Variants in TMEM232 observed in about 807,000 individuals in gnomAD.
The protein encoded by TMEM232 is transmembrane protein 232.
In TMEM232, 80 loss-of-function variants were observed where a neutral mutation model predicts 78.8. The ratio of observed to expected loss-of-function variants is 1.01; its 90% CI spans 0.85 to 1.22. TMEM232 has a LOEUF of 1.22. Ranked by LOEUF, TMEM232 falls within the 50% of genes most tolerant of loss-of-function variation. The pLI is 0.00. For synonymous variants in TMEM232, 297 were observed against 254.3 expected, an observed-to-expected ratio of 1.17 and a Z score of -1.60; for missense variants, 881 against 742.2, an observed-to-expected ratio of 1.19 and a Z score of -2.17.
At chr5:110,672,597 A>C (rs1791505164) in intron 1 of TMEM232, among the ~76,000 whole-genome samples, 1 of 152,202 alleles carries the variant, frequency 6.6e-6, no homozygotes, top group African/African-American at 2.4e-5. Flanking sequence ...GCCTCCATAA[A>C]TATTTAGCAT....
At chr5:110,688,502 C>G (rs1793703636) in intron 1 of TMEM232, among the ~76,000 whole-genome samples, 1 of 152,114 alleles carries the variant, frequency 6.6e-6, no homozygotes, top group African/African-American at 2.4e-5. Context: ...GTGACAGCAC[C>G]TCAAAAGAAA....
At chr5:110,480,078 T>C (rs981038503) in intron 12 of TMEM232, among the ~76,000 whole-genome samples, 1 of 151,850 alleles carries the variant, frequency 6.6e-6, no homozygotes, top group Non-Finnish European at 1.5e-5. Context: ...TATTTCTGCA[T>C]CCTTCTTTTA....
chr5:110,587,935 T>C (rs543736626), intron 10 of TMEM232, among the ~76,000 whole-genome samples: 1 of 151,758 alleles, frequency 6.6e-6, no homozygotes, highest in African/African-American at 2.4e-5. Context: ...GTCTCAATTC[T>C]ATTGCTAACA....
At chr5:110,448,387 C>T (rs923720526) in intron 12 of TMEM232, among the ~76,000 whole-genome samples, 1 of 151,982 alleles carries the variant, frequency 6.6e-6, no homozygotes, top group Non-Finnish European at 1.5e-5. Context: ...GGCAGAAAGC[C>T]ATTAGACCTT....
upstream of TMEM232, among the ~76,000 whole-genome samples, chr5:110,731,453 C>A (rs961344249): frequency 6.6e-6 from 1 of 152,228 alleles, no homozygotes; most frequent in East Asian, 1.9e-4. Flanking sequence ...GAGGGCCCCA[C>A]CCCTGCAGCA....
rs1177740214 is a variant in TMEM232 at position 110,605,202 on chromosome 5, TA to T, written c.1182del (p.Asn394LysfsTer13). Reference protein sequence around the residue: ...GFCHCKSSQKNILYLDKSVPP... With the variant: ...GFCHCKSSQKXILYLDKSVPP... Reference sequence around the variant, plus strand: ...GGTACTGATTTGTCCAAGTATAAAATATTTTTTTGTGAACTTTTACAGTGAC... The same window carrying T: ...GGTACTGATTTGTCCAAGTATAAAATTTTTTTTGTGAACTTTTACAGTGAC... On this transcript the variant is annotated frameshift_variant, in exon 10 of 14. Transcript: ENST00000455884. LOFTEE classifies it high-confidence loss of function. The T allele has an allele frequency of 1.9e-6, 3 of 1,551,108 alleles. No homozygotes were observed. The highest frequency in any genetic ancestry group is 2.4e-5 in the South Asian group (2 of 84,058).
chr5:110,625,288 A>C lies in TMEM232; in HGVS notation c.747T>G (p.Tyr249Ter). The change falls in exon 7 of 14, where the codon TAT becomes TAG. Residue 249 changes from tyrosine (Y) to a stop codon, truncating the protein, a stop_gained. Coordinates refer to ENST00000455884, the MANE Select transcript of TMEM232 (RefSeq NM_001039763.4). LOFTEE classifies it high-confidence loss of function. Reference protein sequence around the residue: ...IFRPVEDKKRYENTDSDMGGY... With the variant: ...IFRPVEDKKR ...TCACCATATCAGAATCTGTGTTCTCATATCTTTTCTTATCTTCCACAGGTC... is the reference window on the plus strand; with the variant it reads ...TCACCATATCAGAATCTGTGTTCTCCTATCTTTTCTTATCTTCCACAGGTC... 6.5e-7 allele frequency: 1 copy of C among 1,540,530 alleles called. No individual in the cohort carries two copies. Among genetic ancestry groups the C allele is most frequent in the Non-Finnish European group, 8.8e-7 (1 of 1,142,138 alleles).
At chr5:110,688,072 G>A (rs1382490462) in intron 1 of TMEM232, among the ~76,000 whole-genome samples, 1 of 147,506 alleles carries the variant, frequency 6.8e-6, no homozygotes, top group Non-Finnish European at 1.5e-5. Flanking sequence ...TTCATGGTTT[G>A]TACTTCTCTA....
intron 2 of TMEM232, among the ~76,000 whole-genome samples, chr5:110,647,480 G>T (rs530359929): frequency 4.0e-5 from 6 of 151,800 alleles, no homozygotes; most frequent in African/African-American, 1.5e-4. Flanking sequence ...GCAAAAATAC[G>T]TATGTTATTA....
downstream of TMEM232, among the ~76,000 whole-genome samples, chr5:110,417,073 T>C (rs1300783258): frequency 6.6e-6 from 1 of 152,232 alleles, no homozygotes; most frequent in Non-Finnish European, 1.5e-5. Context: ...ATTGCTTTCG[T>C]GGTTACTAAG....
At chr5:110,604,794 C>A (rs1781344022) in intron 10 of TMEM232, among the ~76,000 whole-genome samples, 1 of 152,002 alleles carries the variant, frequency 6.6e-6, no homozygotes, top group African/African-American at 2.4e-5. Flanking sequence ...CCCAGCTCTA[C>A]TAAAAATACA....
intron 8 of TMEM232, among the ~76,000 whole-genome samples, chr5:110,615,901 G>A (rs1175197617): frequency 1.3e-5 from 2 of 151,386 alleles, no homozygotes; most frequent in Non-Finnish European, 3.0e-5. Flanking sequence ...ATTTACAATA[G>A]CAAAAAATAA....
At chr5:110,590,807 C>T (rs1779420924) in intron 10 of TMEM232, among the ~76,000 whole-genome samples, 1 of 152,094 alleles carries the variant, frequency 6.6e-6, no homozygotes, top group Admixed American at 6.6e-5. Context: ...AACTTATAAT[C>T]GTGGTGGAAG....
At chr5:110,646,999 AT>A (rs1300463774) in intron 2 of TMEM232, among the ~76,000 whole-genome samples, 1 of 151,738 alleles carries the variant, frequency 6.6e-6, no homozygotes, top group Non-Finnish European at 1.5e-5. Flanking sequence ...ATTTAAAAAA[AT>A]ATATTACTAT....
At chr5:110,507,862 G>A (rs150576641) in intron 12 of TMEM232, among the ~76,000 whole-genome samples, 64 of 152,280 alleles carry the variant, frequency 4.2e-4, no homozygotes, top group African/African-American at 1.4e-3. Context: ...TGCCTGCATG[G>A]CATGCAATGC....
chr5:110,652,623 GATC>G (rs1393935033), intron 2 of TMEM232, among the ~76,000 whole-genome samples: 3 of 152,182 alleles, frequency 2.0e-5, no homozygotes, highest in East Asian at 1.9e-4. Context: ...GTCTCCTACA[GATC>G]ATGTTAATAA....
chr5:110,412,112 A>C (rs930028075), intron 2 of TMEM232, among the ~76,000 whole-genome samples: 2 of 152,066 alleles, frequency 1.3e-5, no homozygotes, highest in Non-Finnish European at 2.9e-5. Context: ...AAACAAATCC[A>C]CTCAGTTTTC....
intron 3 of TMEM232, among the ~76,000 whole-genome samples, chr5:110,391,130 A>G (rs917582183): frequency 2.6e-5 from 4 of 152,200 alleles, no homozygotes; most frequent in Admixed American, 6.6e-5. Context: ...GCAATAAACT[A>G]TCATGGCAGG....
At chr5:110,610,416 A>C (rs1782108871) in intron 8 of TMEM232, 1 of 219,966 alleles carries the variant, frequency 4.5e-6, no homozygotes, top group East Asian at 1.3e-4. Flanking sequence ...ATAATGTAAA[A>C]AATAAAATAA....
Sources: gnomAD v4.1 joint callset for allele counts (sites outside exome capture counted in the v4.1 genomes callset) on GRCh38, gnomAD v4.1.1 for gene constraint, MANE v1.5 for transcripts, NCBI Gene and HGNC (gene_info 2026-07-23, HGNC 2026-07-21) for gene names.